The following NUP62CL variants were observed in gnomAD, a reference collection of about 807,000 sequenced individuals.
NUP62CL encodes the protein nucleoporin 62 C-terminal like.
Under a neutral mutation model 15.3 loss-of-function variants are expected in NUP62CL, and 13 were observed. The observed-to-expected ratio is 0.85, with a 90% CI of 0.55 to 1.35. The LOEUF is 1.35. Ranked by LOEUF, NUP62CL falls within the 40% of genes most tolerant of loss-of-function variation. NUP62CL has a pLI of 0.00. For missense variants in NUP62CL, 123 were observed against 130.6 expected (o/e 0.94, Z 0.28); for synonymous variants, 54 against 49.2 (o/e 1.10, Z -0.41).
chrX:107,188,781 T>C (rs1927135739), intron 2 of NUP62CL, among the ~76,000 whole-genome samples: 1 of 111,346 alleles, frequency 9.0e-6, no homozygotes, highest in Non-Finnish European at 1.9e-5. Context: ...GGATACAAGA[T>C]AGACATACAA....
intron 8 of NUP62CL, among the ~76,000 whole-genome samples, chrX:107,146,696 T>C (rs761281075): frequency 4.5e-5 from 5 of 111,680 alleles, no homozygotes; most frequent in Admixed American, 1.9e-4. Flanking sequence ...CTCAATCTAT[T>C]ATAATCTGTT....
chrX:107,165,425 T>C (rs1285578), intron 4 of NUP62CL, among the ~76,000 whole-genome samples: 5,662 of 111,374 alleles, frequency 0.051, 371 homozygotes, highest in African/African-American at 0.18. Context: ...ACATTAATTT[T>C]ACACTATTTC....
At chrX:107,166,380 G>A (rs1433909147) in intron 4 of NUP62CL, among the ~76,000 whole-genome samples, 1 of 112,001 alleles carries the variant, frequency 8.9e-6, no homozygotes, top group Non-Finnish European at 1.9e-5. Flanking sequence ...ACATCTGTCA[G>A]AAGGGCTCAA....
At chrX:107,204,771 T>C (rs12852835) in intron 1 of NUP62CL, among the ~76,000 whole-genome samples, 1 of 92,114 alleles carries the variant, frequency 1.1e-5, no homozygotes, top group African/African-American at 4.5e-5. Flanking sequence ...TTAAATAAAT[T>C]ATTTAAATAA....
intron 2 of NUP62CL, among the ~76,000 whole-genome samples, chrX:107,187,068 C>T (rs1454959702): frequency 8.9e-6 from 1 of 111,751 alleles, no homozygotes; most frequent in East Asian, 2.8e-4. Flanking sequence ...AATCTTCAAA[C>T]ATTTGGAAAC....
At chrX:107,180,011 C>T (rs1422948426) in intron 2 of NUP62CL, among the ~76,000 whole-genome samples, 1 of 111,984 alleles carries the variant, frequency 8.9e-6, no homozygotes, top group Non-Finnish European at 1.9e-5. Flanking sequence ...TCTATGTCTT[C>T]ATATCATGTT....
intron 8 of NUP62CL, 69 bp from the exon 9 acceptor site, chrX:107,124,401 T>G (rs977465681): frequency 3.1e-6 from 1 of 325,181 alleles, no homozygotes; most frequent in Non-Finnish European, 6.0e-6. Flanking sequence ...ATTTACGTAT[T>G]CCTTTCAACA....
chrX:107,167,793 T>C lies in NUP62CL; in HGVS notation c.59-9A>G, dbSNP rs1345590116. On this transcript the variant is annotated splice_polypyrimidine_tract_variant and intron_variant, in intron 3 of 8. Transcript: ENST00000372466. ...AGTCGTTGAAGTTGTAACTGGAAAA[T>C]AAAGTGTATAATGTTAGTAAGAAAT... The C allele has an allele frequency of 1.7e-6, 2 of 1,188,146 alleles. No homozygotes were observed. Among genetic ancestry groups the C allele is most frequent in the Admixed American group, 2.2e-5 (1 of 45,236 alleles).
intron 2 of NUP62CL, among the ~76,000 whole-genome samples, chrX:107,179,093 CAA>C (rs374131484): frequency 2.2e-5 from 2 of 89,995 alleles, no homozygotes. Context: ...GACTCCATCT[CAA>C]AAAAAAAAAA....
At chrX:107,148,228 T>C (rs1925926855) in intron 7 of NUP62CL, among the ~76,000 whole-genome samples, 1 of 111,849 alleles carries the variant, frequency 8.9e-6, no homozygotes, top group South Asian at 3.7e-4. Flanking sequence ...CCAATAGTAA[T>C]ATAAATTGAC....
intron 1 of NUP62CL, chrX:107,202,732 A>G (rs754455265): frequency 1.5e-4 from 16 of 104,255 alleles, no homozygotes; most frequent in African/African-American, 4.6e-4. Context: ...CCAGTGGCTC[A>G]CACCTGCAAT....
chrX:107,189,718 T>A (rs1212130289), intron 2 of NUP62CL, among the ~76,000 whole-genome samples: 1 of 104,713 alleles, frequency 9.5e-6, no homozygotes, highest in East Asian at 3.0e-4. Flanking sequence ...GCCTGGGAGG[T>A]CGAGGCTGCA....
At chrX:107,163,926 G>A (rs1926448022) in intron 4 of NUP62CL, among the ~76,000 whole-genome samples, 1 of 111,744 alleles carries the variant, frequency 8.9e-6, no homozygotes, top group Non-Finnish European at 1.9e-5. Flanking sequence ...ATTTCAAAAA[G>A]CCACTCTCCA....
At chrX:107,161,291 C>G (rs1459903368) in intron 4 of NUP62CL, among the ~76,000 whole-genome samples, 1 of 102,381 alleles carries the variant, frequency 9.8e-6, no homozygotes, top group African/African-American at 3.6e-5. Flanking sequence ...GGTATATACC[C>G]AAATGACTAT....
rs778890545 is a variant in NUP62CL, at chrX:107,170,824, T to C, written c.59-3040A>G. Among the ~76,000 whole-genome samples the C allele has an allele frequency of 6.2e-5, 7 of 112,510 alleles. No homozygotes were observed. The South Asian group carries it at 2.6e-3, about 41-fold the overall frequency. On this transcript the variant is annotated intron_variant, in intron 3 of 8. Transcript: ENST00000372466. Reference sequence around the variant, plus strand: ...TTTCAATTAATACCAAATAAAGGAATGGGTTTGAAAGTTCTATCACAGTCT... The same window carrying C: ...TTTCAATTAATACCAAATAAAGGAACGGGTTTGAAAGTTCTATCACAGTCT...
At chrX:107,183,521 G>C (rs780665520) in intron 2 of NUP62CL, among the ~76,000 whole-genome samples, 59 of 111,531 alleles carry the variant, frequency 5.3e-4, no homozygotes, top group African/African-American at 1.9e-3. Flanking sequence ...AAGGCAAACT[G>C]GCTAGGGATT....
Position 107,189,828 on chromosome X carries a change from GGGAAGGAAGGAAGGAAGGAA to G in NUP62CL, c.-48+3181_-48+3200del, listed in dbSNP as rs147140354. ...AGAGAGAGAAAGAAAGAAAGAAGGA[GGGAAGGAAGGAAGGAAGGAA>G]GGAAGGAAGGAAGGAAGGAAAAAGA... On this transcript the variant is annotated intron_variant, in intron 2 of 8. Transcript: ENST00000372466. Among the ~76,000 whole-genome samples, 133 of 53,746 alleles carry G rather than the reference GGGAAGGAAGGAAGGAAGGAA, an allele frequency of 2.5e-3. 1 individual carries two copies. The highest frequency in any genetic ancestry group is 8.6e-3 in the African/African-American group (121 of 14,069). 46.7% of individuals were successfully genotyped at this position (53,746 alleles called of 115,157 possible). A position where few individuals can be genotyped will look rare whatever the true frequency, so the allele number is the denominator to read the frequency against.
intron 4 of NUP62CL, among the ~76,000 whole-genome samples, chrX:107,166,281 T>A (rs904079430): frequency 8.9e-6 from 1 of 112,148 alleles, no homozygotes; most frequent in Non-Finnish European, 1.9e-5. Flanking sequence ...AAAGAGGATC[T>A]ACTGATGGCA....
intron 2 of NUP62CL, among the ~76,000 whole-genome samples, chrX:107,186,045 A>G (rs1241032999): frequency 1.8e-5 from 2 of 111,777 alleles, no homozygotes; most frequent in Non-Finnish European, 3.8e-5. Context: ...TATGTGTATG[A>G]ACCAAACAAC....
Sources: gnomAD v4.1 joint callset for allele counts (sites outside exome capture counted in the v4.1 genomes callset) on GRCh38, gnomAD v4.1.1 for gene constraint, MANE v1.5 for transcripts, NCBI Gene and HGNC (gene_info 2026-07-23, HGNC 2026-07-21) for gene names.